SCRN1: variants seen among roughly 807,000 people sequenced by gnomAD.
The protein encoded by SCRN1 is secernin 1, also known as secernin-1.
A neutral mutation model predicts 43.3 loss-of-function variants in SCRN1; 19 were observed. The observed-to-expected ratio is 0.44, with a 90% confidence interval of 0.31 to 0.64. The LOEUF (loss-of-function observed/expected upper bound fraction) is 0.64. SCRN1 is among the 30% of genes least tolerant of loss of function. The probability of loss-of-function intolerance (pLI) is 0.09; values close to 1 mark genes in which losing one functional copy is unlikely to be tolerated. For synonymous variants in SCRN1, 183 were observed against 188.9 expected (o/e 0.97, Z 0.26); for missense variants, 447 against 524.1 (o/e 0.85, Z 1.44).
Position 29,923,798 on chromosome 7 carries a change from G to T in SCRN1, c.*159C>A. 1.3e-6 allele frequency: 1 copy of T among 765,414 alleles called. No individual in the cohort carries two copies. The highest frequency in any genetic ancestry group is 2.1e-6 in the Non-Finnish European group (1 of 465,448). 47.4% of individuals were successfully genotyped at this position (765,414 alleles called of 1,614,324 possible). A position where few individuals can be genotyped will look rare whatever the true frequency, so the allele number is the denominator to read the frequency against. ...TACATTGCAGAAGGGGACGCTGTGA[G>T]ATTCAAGGTGGAACACAAGGTAACA... On this transcript the variant is annotated 3_prime_UTR_variant, in exon 8 of 8. Transcript: ENST00000242059.
chr7:29,940,899 T>A (rs1238318620), intron 4 of SCRN1, 23 bp from the exon 5 acceptor site: 6 of 1,465,836 alleles, frequency 4.1e-6, no homozygotes, highest in Non-Finnish European at 5.4e-6. Flanking sequence ...CAAAGCCCCA[T>A]AAGTTAAAAA....
intron 1 of SCRN1, among the ~76,000 whole-genome samples, chr7:29,983,314 A>T (rs1156354373): frequency 5.0e-5 from 2 of 40,374 alleles, no homozygotes; most frequent in African/African-American, 1.0e-4. Context: ...GGGTGGGGGG[A>T]GGGGGGAGGG....
intron 1 of SCRN1, among the ~76,000 whole-genome samples, chr7:29,988,357 TA>T (rs993865425): frequency 1.3e-5 from 2 of 152,228 alleles, no homozygotes; most frequent in Non-Finnish European, 2.9e-5. Context: ...CATCTTTTGA[TA>T]AGTTAGGAAA....
rs201249480 is a variant in SCRN1 at position 29,961,271 on chromosome 7, C to T, written c.160-5911G>A. Among the ~76,000 whole-genome samples, 302 of 141,384 alleles carry T rather than the reference C, an allele frequency of 2.1e-3. 3 individuals are homozygous for T. In the East Asian group the frequency reaches 0.05, roughly 23 times the overall value. The allele number at this position is 141,384 out of a possible 152,430, so 92.8% of individuals were successfully genotyped here. A position where few individuals can be genotyped will look rare whatever the true frequency, so the allele number is the denominator to read the frequency against. ...TTGAGATTAGGGAGTGGTGATGACT[C>T]TTAACGAGCATGCTGCCTTCAAGCA... is the stretch of plus-strand genomic sequence containing the variant. On this transcript the variant is annotated intron_variant, in intron 2 of 7. Coordinates refer to ENST00000242059, the MANE Select transcript of SCRN1 (RefSeq NM_014766.5).
rs757489285 is a variant in SCRN1, at chr7:29,944,009, A to G, written c.512T>C (p.Ile171Thr). The G allele has an allele frequency of 1.2e-6, 2 of 1,614,110 alleles. No individual in the cohort carries two copies. The highest frequency in any genetic ancestry group is 3.3e-5 in the Admixed American group (2 of 60,018). The change falls in exon 4 of 8, where the codon ATA becomes ACA. Residue 171 changes from isoleucine to threonine, a missense_variant. By Grantham distance (89) the Ile-to-Thr change is moderately conservative. Coordinates refer to ENST00000242059, the MANE Select transcript of SCRN1 (RefSeq NM_014766.5). Reference protein sequence around the residue: ...DRDEAWVLETIGKYWAAEKVT... With the variant: ...DRDEAWVLETTGKYWAAEKVT... The stretch of plus-strand genomic sequence containing the variant: ...TTTCTCGGCAGCCCAGTACTTCCCT[A>G]TGGTCTCGAGCACCCAGGCTTCATC...
intron 1 of SCRN1, among the ~76,000 whole-genome samples, chr7:29,981,048 T>C (rs1788978522): frequency 6.6e-6 from 1 of 152,146 alleles, no homozygotes; most frequent in Non-Finnish European, 1.5e-5. Flanking sequence ...GTTTTAAAAT[T>C]CTTTACAGCA....
intron 5 of SCRN1, among the ~76,000 whole-genome samples, chr7:29,938,611 C>T (rs1787423113): frequency 6.6e-6 from 1 of 152,274 alleles, no homozygotes; most frequent in Non-Finnish European, 1.5e-5. Context: ...TCTTAAACCA[C>T]AAACAATAGC....
At chr7:29,981,903 G>C (rs1013931688) in intron 1 of SCRN1, among the ~76,000 whole-genome samples, 2 of 152,278 alleles carry the variant, frequency 1.3e-5, no homozygotes, top group Middle Eastern at 6.8e-3. Context: ...TCCATAGAAG[G>C]CTCAGATTGT....
In SCRN1 at chr7:29,926,727, A is replaced by C. The variant is rs533690674; in HGVS notation, c.906-95T>G. The C allele has an allele frequency of 1.2e-5, 13 of 1,120,682 alleles. No homozygotes were observed. The African/African-American group carries it at 1.6e-4, about 14-fold the overall frequency. The allele number at this position is 1,120,682 out of a possible 1,614,324, so 69.4% of individuals were successfully genotyped here. On this transcript the variant is annotated intron_variant, in intron 6 of 7. Transcript: ENST00000242059. ...TTATTCAGCAAACATTTCCCAAGCC[A>C]ACTTATGGTGGGTGGTGGGTGTGGG... is the stretch of plus-strand genomic sequence containing the variant.
intron 1 of SCRN1, among the ~76,000 whole-genome samples, chr7:29,985,450 A>G (rs1583704172): frequency 6.6e-6 from 1 of 151,924 alleles, no homozygotes; most frequent in South Asian, 2.1e-4. Context: ...AAGGAGACTG[A>G]TAAGTGGTGT....
Position 29,944,072 on chromosome 7 carries a change from C to T in SCRN1, c.449G>A (p.Cys150Tyr), listed in dbSNP as rs560892324. 2.8e-5 allele frequency: 45 copies of T among 1,614,218 alleles called. No homozygotes were observed. The highest frequency in any genetic ancestry group is 3.6e-5 in the Non-Finnish European group (42 of 1,180,040). ...GGNYFEDANS[C>Y]HSFQSAYLIV... ...CAGATATGCACTTTGGAAGCTGTGG[C>T]AGGAGTTTGCATCTTCAAAGTAATT... The change falls in exon 4 of 8, where the codon TGC (cysteine) becomes TAC (tyrosine). Residue 150 changes from cysteine (C) to tyrosine (Y), a missense_variant. Physicochemically the swap from Cys to Tyr is radical, Grantham distance 194. Coordinates refer to ENST00000242059, the MANE Select transcript of SCRN1 (RefSeq NM_014766.5).
At chr7:29,981,654 T>C (rs1337604360) in intron 1 of SCRN1, among the ~76,000 whole-genome samples, 1 of 152,174 alleles carries the variant, frequency 6.6e-6, no homozygotes, top group African/African-American at 2.4e-5. Flanking sequence ...TGAACTGACA[T>C]TCCACCCAGT....
intron 1 of SCRN1, among the ~76,000 whole-genome samples, chr7:29,986,644 C>T (rs1789164159): frequency 6.6e-6 from 1 of 151,552 alleles, no homozygotes; most frequent in Non-Finnish European, 1.5e-5. Flanking sequence ...ATTTTTACAA[C>T]TTGCTATTTT....
At position 29,950,197 on chromosome 7, in the gene SCRN1, C is replaced by T. The variant is rs1472843548; in HGVS notation, c.341+4982G>A. 2.0e-5 allele frequency among the ~76,000 whole-genome samples: 3 copies of T among 152,254 alleles called. No homozygotes were observed. Among genetic ancestry groups the T allele is most frequent in the Non-Finnish European group, 4.4e-5 (3 of 68,046 alleles). On this transcript the variant is annotated intron_variant, in intron 3 of 7. Coordinates refer to ENST00000242059, the MANE Select transcript of SCRN1 (RefSeq NM_014766.5). The surrounding 1 kb of genome is among the most constrained non-coding windows in gnomAD (Gnocchi z 4.5). ...TGCTTCCTGCTCCCTGACCTCTTCC[C>T]GCTTCCCAGCACCTGCTCCAGTGCA...
At chr7:29,925,949 C>T (rs1005478247) in intron 7 of SCRN1, among the ~76,000 whole-genome samples, 2 of 151,314 alleles carry the variant, frequency 1.3e-5, no homozygotes, top group African/African-American at 4.9e-5. Context: ...ATAAGATTGA[C>T]CATTTAAAAA....
intron 1 of SCRN1, among the ~76,000 whole-genome samples, chr7:29,984,902 G>C (rs1207508380): frequency 1.5e-5 from 2 of 135,508 alleles, no homozygotes; most frequent in African/African-American, 5.7e-5. Flanking sequence ...CTGGGTGACA[G>C]AGCTAGACTC....
In SCRN1 at chr7:29,940,689, T is replaced by A. The variant is rs1787508886; in HGVS notation, c.732A>T (p.Lys244Asn). ...DCGAGKDSLE[K>N]QEESITVQTM... Reference sequence around the variant, plus strand: ...AGGGAGAGACTAACTCACCTTCTTGTTTTTCTAAGCTGTCTTTGCCAGCAC... The same window carrying A: ...AGGGAGAGACTAACTCACCTTCTTGATTTTCTAAGCTGTCTTTGCCAGCAC... Residue 244 changes from lysine (K) to asparagine (N), a missense_variant, in exon 5 of 8, where the codon AAA becomes AAT. Physicochemically the swap from Lys to Asn is moderately conservative, Grantham distance 94 (BLOSUM62 0). Transcript: ENST00000242059. The A allele has an allele frequency of 1.3e-6, 2 of 1,594,320 alleles. No homozygotes were observed. The highest frequency in any genetic ancestry group is 1.1e-5 in the South Asian group (1 of 87,102).
chr7:29,984,766 C>T (rs1182809315), intron 1 of SCRN1, among the ~76,000 whole-genome samples: 1 of 145,918 alleles, frequency 6.9e-6, no homozygotes, highest in Admixed American at 6.8e-5. Context: ...ACTAAAAATA[C>T]AAAAATTAGC....
At chr7:29,934,907 G>A (rs1003187149) in intron 6 of SCRN1, among the ~76,000 whole-genome samples, 3 of 152,200 alleles carry the variant, frequency 2.0e-5, no homozygotes, top group Non-Finnish European at 2.9e-5. Flanking sequence ...GAGGATGCAC[G>A]GCTCTAGCCC....
Sources: gnomAD v4.1 joint callset for allele counts (sites outside exome capture counted in the v4.1 genomes callset) on GRCh38, gnomAD v4.1.1 for gene constraint, Gnocchi (gnomAD v3.1) non-coding constraint, MANE v1.5 for transcripts, NCBI Gene and HGNC (gene_info 2026-07-23, HGNC 2026-07-21) for gene names.